The following KIN variants were observed in gnomAD, a reference collection of about 807,000 sequenced individuals.
The protein encoded by KIN is DNA/RNA-binding protein KIN17.
In KIN, 47 loss-of-function variants were observed where a neutral mutation model predicts 63.0. That is an observed-to-expected ratio of 0.75 (90% CI 0.59 to 0.95). The LOEUF (loss-of-function observed/expected upper bound fraction) is 0.95. KIN is among the 40% of genes least tolerant of loss of function. The probability of loss-of-function intolerance (pLI) is 0.00; values close to 1 mark genes in which losing one functional copy is unlikely to be tolerated. For synonymous variants in KIN, 160 were observed against 157.7 expected, an observed-to-expected ratio of 1.01 and a Z score of -0.11; for missense variants, 408 against 460.9, an observed-to-expected ratio of 0.89 and a Z score of 1.05.
chr10:7,778,691 A>T (rs2131024371), intron 5 of KIN, 147 bp downstream of exon 5: 1 of 791,812 alleles, frequency 1.3e-6, no homozygotes, highest in Admixed American at 2.3e-5. Flanking sequence ...GTGAGCTGAG[A>T]TTGCGCTACT....
intron 5 of KIN, among the ~76,000 whole-genome samples, chr10:7,777,139 G>A (rs1367246112): frequency 1.3e-5 from 2 of 150,392 alleles, no homozygotes; most frequent in Non-Finnish European, 2.9e-5. Flanking sequence ...CCAAAAAGCA[G>A]CTTTTCTATG....
chr10:7,757,531 TAAATA>T (rs1477396245), intron 12 of KIN, among the ~76,000 whole-genome samples: 1 of 151,058 alleles, frequency 6.6e-6, no homozygotes, highest in African/African-American at 2.4e-5. Flanking sequence ...AAAATTAAAT[TAAATA>T]AAATTAAAAT....
chr10:7,781,022 C>T (rs12359245), intron 2 of KIN, among the ~76,000 whole-genome samples: 14,158 of 152,150 alleles, frequency 0.093, 669 homozygotes, highest in Middle Eastern at 0.12. Context: ...CTGGGTACAC[C>T]GTATTAAGTG....
chr10:7,752,824 A>G lies in KIN; in HGVS notation c.*3256T>C, dbSNP rs1258824467. 1 of 152,234 alleles carries G rather than the reference A, an allele frequency of 6.6e-6. No homozygotes were observed. The highest frequency in any genetic ancestry group is 2.4e-5 in the African/African-American group (1 of 41,456). 9.4% of individuals were successfully genotyped at this position (152,234 alleles called of 1,614,324 possible). A position where few individuals can be genotyped will look rare whatever the true frequency, so the allele number is the denominator to read the frequency against. ...CTACCAGGTGAAAGAAGCCAATCTG[A>G]AAAAGCTACACCCTGTGTGACTCCA... On this transcript the variant is annotated 3_prime_UTR_variant, in exon 13 of 13. Transcript: ENST00000379562.
At chr10:7,779,400 A>C (rs1374262700) in intron 4 of KIN, among the ~76,000 whole-genome samples, 1 of 152,150 alleles carries the variant, frequency 6.6e-6, no homozygotes, top group African/African-American at 2.4e-5. Context: ...AGCGAGACTC[A>C]GTCTCAAAAA....
chr10:7,762,913 G>C (rs1384948197), intron 10 of KIN, among the ~76,000 whole-genome samples: 3 of 152,016 alleles, frequency 2.0e-5, no homozygotes, highest in Non-Finnish European at 4.4e-5. Context: ...ACTAAATTTA[G>C]GAAAGGCAAA....
chr10:7,785,251 C>CAAA lies in KIN; in HGVS notation c.115-2079_115-2077dup, dbSNP rs200276745. On this transcript the variant is annotated intron_variant, in intron 1 of 12. Transcript: ENST00000379562. ...TGGGCTACCAATTGAGACCTTGTCTCAAAAAAAAAAAAAAAAATCATATTC... is the reference window on the plus strand; with the variant it reads ...TGGGCTACCAATTGAGACCTTGTCTCAAAAAAAAAAAAAAAAAAAATCATATTC... 1.3e-4 allele frequency among the ~76,000 whole-genome samples: 14 copies of CAAA among 106,066 alleles called. No individual in the cohort carries two copies. In the East Asian group the frequency reaches 2.6e-3, roughly 19 times the overall value. 69.6% of individuals were successfully genotyped at this position (106,066 alleles called of 152,430 possible). A position where few individuals can be genotyped will look rare whatever the true frequency, so the allele number is the denominator to read the frequency against.
In KIN at chr10:7,769,102, AT is replaced by A; in HGVS notation, c.798+113del. 8.6e-6 allele frequency: 8 copies of A among 928,624 alleles called. No individual in the cohort carries two copies. The South Asian group carries it at 1.1e-4, about 12-fold the overall frequency. The allele number at this position is 928,624 out of a possible 1,614,324, so 57.5% of individuals were successfully genotyped here. ...GGGAACTGTATGTAGCTAGGTCACT[AT>A]TCCCTAGTCCGTACATGATAATTTT... On this transcript the variant is annotated intron_variant, in intron 8 of 12. Transcript: ENST00000379562.
chr10:7,787,991 A>AC lies in KIN; in HGVS notation c.-59dup. 7.0e-7 allele frequency: 1 copy of AC among 1,428,710 alleles called. No individual in the cohort carries two copies. The highest frequency in any genetic ancestry group is 1.1e-5 in the South Asian group (1 of 87,416). 88.5% of individuals were successfully genotyped at this position (1,428,710 alleles called of 1,614,324 possible). A position where few individuals can be genotyped will look rare whatever the true frequency, so the allele number is the denominator to read the frequency against. ...CAGTACTCAGCCAGCCGGAAACGGA[A>AC]CCGGGCTGGCGGCGGTGGGCGGGAC... On this transcript the variant is annotated 5_prime_UTR_variant, in exon 1 of 13. Coordinates refer to ENST00000379562, the MANE Select transcript of KIN (RefSeq NM_012311.4).
intron 5 of KIN, among the ~76,000 whole-genome samples, chr10:7,778,333 A>G (rs1049445744): frequency 4.3e-4 from 66 of 152,344 alleles, no homozygotes; most frequent in African/African-American, 1.6e-3. Flanking sequence ...TTATGAAGTT[A>G]GTATGTCAGG....
chr10:7,766,622 T>C (rs533550859), intron 8 of KIN, among the ~76,000 whole-genome samples: 43 of 151,994 alleles, frequency 2.8e-4, no homozygotes, highest in African/African-American at 9.9e-4. Flanking sequence ...GCTGTGGGGC[T>C]GTATGGCGAA....
chr10:7,783,124 G>T lies in KIN; in HGVS notation c.166C>A (p.Leu56Met). The change falls in exon 2 of 13, where the codon CTG becomes ATG. Residue 56 changes from leucine to methionine, a missense_variant. Leu to Met is a conservative substitution (Grantham distance 15). This residue lies in a region of KIN where 110 missense variants were observed against 164.9 expected (regional missense o/e 0.67). Coordinates refer to ENST00000379562, the MANE Select transcript of KIN (RefSeq NM_012311.4). ...AACTGCTGAGGATTTTCTGAAGCCA[G>T]CAATAGTTGTCTCTGATGAGATTCG... Reference protein sequence around the residue: ...MSESHQRQLLLASENPQQFMD... With the variant: ...MSESHQRQLLMASENPQQFMD... 6.2e-7 allele frequency: 1 copy of T among 1,601,742 alleles called. No homozygotes were observed. Among genetic ancestry groups the T allele is most frequent in the East Asian group, 2.3e-5 (1 of 44,400 alleles).
chr10:7,753,747 G>GTGC lies in KIN; in HGVS notation c.*2330_*2332dup, dbSNP rs535950919. ...CCAAAACCCAGTTGCTTTCCATAAT[G>GTGC]TGCTGTCAGGTTACTTTGGAAAAAC... On this transcript the variant is annotated 3_prime_UTR_variant, in exon 13 of 13. Coordinates refer to ENST00000379562, the MANE Select transcript of KIN (RefSeq NM_012311.4). The GTGC allele has an allele frequency of 1.7e-5, 3 of 181,318 alleles. No homozygotes were observed. The East Asian group carries it at 5.0e-4, about 30-fold the overall frequency. 11.2% of individuals were successfully genotyped at this position (181,318 alleles called of 1,614,324 possible).
At chr10:7,774,913 CCATA>C in intron 6 of KIN, 22 bp from the exon 7 acceptor site, 1 of 1,547,664 alleles carries the variant, frequency 6.5e-7, no homozygotes. Context: ...AAATGTTATT[CCATA>C]CATACATTTC....
At chr10:7,780,848 G>A (rs547082924) in intron 2 of KIN, among the ~76,000 whole-genome samples, 52 of 152,246 alleles carry the variant, frequency 3.4e-4, no homozygotes, top group Non-Finnish European at 5.4e-4. Context: ...GAAATTTTTT[G>A]TCTTGGTAAA....
At chr10:7,756,167 A>C in intron 12 of KIN, 25 bp from the exon 13 acceptor site, 11 of 1,448,104 alleles carry the variant, frequency 7.6e-6, no homozygotes, top group Non-Finnish European at 9.4e-6. Flanking sequence ...AATTTAAAAT[A>C]AGGTTAAAAA....
chr10:7,779,096 A>G (rs552698907), intron 4 of KIN, 77 bp from the exon 5 acceptor site: 9 of 1,504,900 alleles, frequency 6.0e-6, no homozygotes, highest in Non-Finnish European at 7.2e-6. Flanking sequence ...TCACCTCTGC[A>G]TATTTATTCA....
intron 8 of KIN, among the ~76,000 whole-genome samples, chr10:7,767,036 AAACCTCATTTTAAATCCTTC>A (rs199949233): frequency 0.12 from 18,328 of 150,608 alleles, 1,233 homozygotes; most frequent in East Asian, 0.28. Flanking sequence ...AAAAAAAAAA[AAACCTCATTTTAAATCCTTC>A]ACCTTTTCAA....
At chr10:7,775,148 G>A (rs1293406210) in intron 6 of KIN, among the ~76,000 whole-genome samples, 1 of 152,118 alleles carries the variant, frequency 6.6e-6, no homozygotes, top group Admixed American at 6.5e-5. Flanking sequence ...CATTTCCCCT[G>A]GGGAACAGTA....
Sources: gnomAD v4.1 joint callset for allele counts (sites outside exome capture counted in the v4.1 genomes callset) on GRCh38, gnomAD v4.1.1 for gene constraint, gnomAD v4.1.1 regional missense constraint, MANE v1.5 for transcripts, NCBI Gene and HGNC (gene_info 2026-07-23, HGNC 2026-07-21) for gene names.